ATP6V0D1: variants seen among roughly 807,000 people sequenced by gnomAD.
The protein encoded by ATP6V0D1 is ATPase H+ transporting V0 subunit d1.
Under a neutral mutation model 39.0 loss-of-function variants are expected in ATP6V0D1, and 13 were observed. That is an observed-to-expected ratio of 0.33 (90% CI 0.22 to 0.53). The LOEUF (loss-of-function observed/expected upper bound fraction) is 0.53. Among genes scored for constraint, ATP6V0D1 ranks in the 20% least tolerant of loss-of-function variants. The pLI is 0.94. For synonymous variants in ATP6V0D1, 191 were observed against 191.2 expected (o/e 1.00, Z 0.01); for missense variants, 272 against 470.9 (o/e 0.58, Z 3.91).
chr16:67,444,362 TGAGGAGAGAATCG>T lies in ATP6V0D1; in HGVS notation c.481+153_481+165del, dbSNP rs565241127. ...GGACAGGAGCAGAAGAGGGGTGAAG[TGAGGAGAGAATCG>T]GAGGAGGAAGTTGAAGGGAGACAAA... On this transcript the variant is annotated intron_variant, in intron 3 of 7. Transcript: ENST00000290949. The surrounding 1 kb of genome is among the most constrained non-coding windows in gnomAD (Gnocchi z 4.8). Among the ~76,000 whole-genome samples the T allele has an allele frequency of 3.6e-3, 549 of 152,014 alleles. 3 individuals carry two copies. Among genetic ancestry groups the T allele is most frequent in the South Asian group, 0.016 (77 of 4,798 alleles).
chr16:67,459,932 T>C (rs2142321234), intron 1 of ATP6V0D1, among the ~76,000 whole-genome samples: 1 of 152,222 alleles, frequency 6.6e-6, no homozygotes, highest in Non-Finnish European at 1.5e-5. Flanking sequence ...GGCCGGCCCA[T>C]GGAGGGGTCT....
At chr16:67,477,622 C>T (rs765481714) in intron 1 of ATP6V0D1, among the ~76,000 whole-genome samples, 1 of 151,616 alleles carries the variant, frequency 6.6e-6, no homozygotes, top group Non-Finnish European at 1.5e-5. Context: ...CTTAGGGGCT[C>T]ATTATATTAT....
intron 1 of ATP6V0D1, among the ~76,000 whole-genome samples, chr16:67,471,679 A>AT (rs562011200): frequency 7.4e-5 from 11 of 149,606 alleles, no homozygotes; most frequent in South Asian, 2.1e-4. Context: ...ATTATTATTA[A>AT]TTTTTTTTTT....
In ATP6V0D1 at chr16:67,466,446, T is replaced by C. The variant is rs540625722; in HGVS notation, c.131-12731A>G. Among the ~76,000 whole-genome samples, 8 of 151,266 alleles carry C rather than the reference T, an allele frequency of 5.3e-5. No individual in the cohort carries two copies. In the South Asian group the frequency reaches 1.7e-3, roughly 32 times the overall value. On this transcript the variant is annotated intron_variant, in intron 1 of 7. Coordinates refer to ENST00000290949, the MANE Select transcript of ATP6V0D1 (RefSeq NM_004691.5). The stretch of plus-strand genomic sequence containing the variant: ...CAGGAGGCTGAGGCAGGAGAATCAC[T>C]TGAACACGGGAGGCGGAGGTTGCGG...
intron 1 of ATP6V0D1, among the ~76,000 whole-genome samples, chr16:67,459,642 C>T (rs1162653989): frequency 2.0e-5 from 3 of 152,262 alleles, no homozygotes; most frequent in African/African-American, 7.2e-5. Flanking sequence ...GCTGGGCAGC[C>T]CTGCCCCCGC....
chr16:67,455,898 G>A (rs1473764458), intron 1 of ATP6V0D1: 1 of 152,044 alleles, frequency 6.6e-6, no homozygotes, highest in African/African-American at 2.4e-5. Flanking sequence ...GTAATTGATG[G>A]TCATTGCTGA....
rs555000523 is a variant in ATP6V0D1, at chr16:67,464,255, T to G, written c.131-10540A>C. Among the ~76,000 whole-genome samples the G allele has an allele frequency of 2.0e-5, 3 of 152,198 alleles. No homozygotes were observed. In the East Asian group the frequency reaches 5.8e-4, roughly 29 times the overall value. On this transcript the variant is annotated intron_variant, in intron 1 of 7. Coordinates refer to ENST00000290949, the MANE Select transcript of ATP6V0D1 (RefSeq NM_004691.5). ...TTTTGCATGACTACCCGTTCCTGAG[T>G]TGGGGGCCAGTTCACAGAGATATAG...
intron 1 of ATP6V0D1, 141 bp downstream of exon 1, chr16:67,480,816 G>A (rs2041466120): frequency 7.9e-7 from 1 of 1,262,826 alleles, no homozygotes; most frequent in African/African-American, 1.5e-5. Context: ...TCCCGCTCCT[G>A]CGCGTCCGCT....
Position 67,453,398 on chromosome 16 carries a change from G to A in ATP6V0D1, c.302+146C>T. The stretch of plus-strand genomic sequence containing the variant: ...GGAGGACTCTGAAGGTAGGGTCCTG[G>A]GACACCTGGCCTGACAGAGCTGCCA... On this transcript the variant is annotated intron_variant, in intron 2 of 7. Transcript: ENST00000290949. This position sits in a 1 kb window ranked among gnomAD's most constrained non-coding sequence, Gnocchi z 4.1. 1 of 947,916 alleles carries A rather than the reference G, an allele frequency of 1.1e-6. No individual in the cohort carries two copies. The highest frequency in any genetic ancestry group is 2.5e-5 in the East Asian group (1 of 40,054). The allele number at this position is 947,916 out of a possible 1,614,324, so 58.7% of individuals were successfully genotyped here. A position where few individuals can be genotyped will look rare whatever the true frequency, so the allele number is the denominator to read the frequency against.
Position 67,456,836 on chromosome 16 carries a change from CAAAG to C in ATP6V0D1, c.131-3125_131-3122del. On this transcript the variant is annotated intron_variant, in intron 1 of 7. Transcript: ENST00000290949. The surrounding 1 kb of genome is among the most constrained non-coding windows in gnomAD (Gnocchi z 4.1). ...GTCTGGCCTCCTGATCCCTCCCCTC[CAAAG>C]CATCAGGGGCTGGGCCTCACCCGGG... 6.6e-6 allele frequency: 1 copy of C among 152,380 alleles called. No individual in the cohort carries two copies. The highest frequency in any genetic ancestry group is 1.5e-5 in the Non-Finnish European group (1 of 68,180). 9.4% of individuals were successfully genotyped at this position (152,380 alleles called of 1,614,324 possible).
At chr16:67,455,806 G>A (rs1230945981) in intron 1 of ATP6V0D1, 1 of 152,182 alleles carries the variant, frequency 6.6e-6, no homozygotes, top group Non-Finnish European at 1.5e-5. Context: ...AGTAAGGCAT[G>A]GGTGAGAAAA....
intron 3 of ATP6V0D1, among the ~76,000 whole-genome samples, chr16:67,443,701 C>A (rs2041081434): frequency 6.6e-6 from 1 of 152,192 alleles, no homozygotes; most frequent in Non-Finnish European, 1.5e-5. Flanking sequence ...GCACCCCCAT[C>A]CCCCAAGAGG....
chr16:67,440,933 C>G (rs2041043271), intron 4 of ATP6V0D1: 1 of 152,330 alleles, frequency 6.6e-6, no homozygotes, highest in Non-Finnish European at 1.5e-5. Flanking sequence ...TTCACAGTCC[C>G]TCTAGGGGTC....
Position 67,444,525 on chromosome 16 carries a change from C to T in ATP6V0D1, c.481+3G>A, listed in dbSNP as rs1362146032. ...ACCTCCCATGACCACCACAGCGGCT[C>T]ACCAAGAGGCGTGTCCACCAGAATG... On this transcript the variant is annotated splice_donor_region_variant and intron_variant, in intron 3 of 7. Coordinates refer to ENST00000290949, the MANE Select transcript of ATP6V0D1 (RefSeq NM_004691.5). This position sits in a 1 kb window ranked among gnomAD's most constrained non-coding sequence, Gnocchi z 4.8. 1 of 1,591,664 alleles carries T rather than the reference C, an allele frequency of 6.3e-7. No individual in the cohort carries two copies. The highest frequency in any genetic ancestry group is 2.3e-5 in the East Asian group (1 of 44,230).
intron 1 of ATP6V0D1, among the ~76,000 whole-genome samples, chr16:67,458,659 G>A (rs1401158446): frequency 2.6e-5 from 4 of 152,162 alleles, no homozygotes; most frequent in Admixed American, 6.5e-5. Context: ...CACAGTAAAA[G>A]ACTTCCTTGA....
At chr16:67,452,373 C>A (rs1250444584) in intron 2 of ATP6V0D1, 4 of 1,535,558 alleles carry the variant, frequency 2.6e-6, no homozygotes, top group Admixed American at 3.9e-5. Flanking sequence ...GAGAATGGAG[C>A]CCTTTGGCTG....
intron 1 of ATP6V0D1, among the ~76,000 whole-genome samples, chr16:67,458,396 G>C (rs1344577822): frequency 6.6e-6 from 1 of 152,200 alleles, no homozygotes; most frequent in African/African-American, 2.4e-5. Flanking sequence ...AGCCTCTGAG[G>C]GCAGCCAAGG....
chr16:67,465,262 T>C (rs1331365129), intron 1 of ATP6V0D1, among the ~76,000 whole-genome samples: 2 of 152,214 alleles, frequency 1.3e-5, no homozygotes, highest in East Asian at 1.9e-4. Flanking sequence ...CGTGTGGACC[T>C]GCAGTGCTTA....
intron 1 of ATP6V0D1, among the ~76,000 whole-genome samples, chr16:67,461,089 C>A (rs1042105008): frequency 3.3e-5 from 5 of 152,246 alleles, no homozygotes; most frequent in African/African-American, 1.2e-4. Flanking sequence ...CAGTCCATTT[C>A]TCCTGGCAGA....
Sources: allele counts gnomAD v4.1 joint callset (sites outside exome capture counted in the v4.1 genomes callset), GRCh38; gene constraint gnomAD v4.1.1; non-coding constraint Gnocchi (gnomAD v3.1); transcripts MANE v1.5; gene names NCBI Gene and HGNC (gene_info 2026-07-23, HGNC 2026-07-21).